The following IL1RAPL1 variants were observed in gnomAD, a reference collection of about 807,000 sequenced individuals.
IL1RAPL1 encodes the protein interleukin-1 receptor accessory protein-like 1.
Under a neutral mutation model 48.4 loss-of-function variants are expected in IL1RAPL1, and 3 were observed. The ratio of observed to expected loss-of-function variants is 0.06; its 90% confidence interval spans 0.03 to 0.16. The LOEUF is 0.16. Among genes scored for constraint, IL1RAPL1 ranks in the 10% least tolerant of loss-of-function variants. The pLI, the probability that IL1RAPL1 is intolerant of heterozygous loss-of-function variation, is 1.00. For missense variants in IL1RAPL1, 349 were observed against 530.6 expected, an observed-to-expected ratio of 0.66 and a Z score of 3.36; for synonymous variants, 185 against 187.7, an observed-to-expected ratio of 0.99 and a Z score of 0.12.
intron 1 of IL1RAPL1, among the ~76,000 whole-genome samples, chrX:28,723,235 G>C (rs1329731808): frequency 9.0e-6 from 1 of 110,712 alleles, no homozygotes; most frequent in East Asian, 2.8e-4. Flanking sequence ...GACTTTTTTT[G>C]ATTGGTAGGC....
At chrX:29,612,734 G>C (rs898363337) in intron 5 of IL1RAPL1, among the ~76,000 whole-genome samples, 4 of 111,820 alleles carry the variant, frequency 3.6e-5, no homozygotes, top group Non-Finnish European at 7.5e-5. Flanking sequence ...TTATTACTTA[G>C]GAATTACTTT....
rs959653688 is a variant in IL1RAPL1, at chrX:28,858,420, G to A, written c.82+68995G>A. On this transcript the variant is annotated intron_variant, in intron 2 of 10. Coordinates refer to ENST00000378993, the MANE Select transcript of IL1RAPL1 (RefSeq NM_014271.4). ...CTTTATAAAAGGAAGAGTCAGTGCA[G>A]CAGACTTCATTGTTGTCTTATTTTA... Among the ~76,000 whole-genome samples, 3 of 111,748 alleles carry A rather than the reference G, an allele frequency of 2.7e-5. No individual in the cohort carries two copies. In the East Asian group the frequency reaches 8.4e-4, roughly 31 times the overall value.
At chrX:29,286,956 C>T (rs1221184235) in intron 3 of IL1RAPL1, among the ~76,000 whole-genome samples, 3 of 109,973 alleles carry the variant, frequency 2.7e-5, no homozygotes, top group Admixed American at 9.8e-5. Context: ...CAGATTTGCT[C>T]GGTGGTAGCA....
At chrX:29,268,838 A>G (rs542151417) in intron 2 of IL1RAPL1, among the ~76,000 whole-genome samples, 3 of 112,188 alleles carry the variant, frequency 2.7e-5, no homozygotes, top group African/African-American at 9.7e-5. Flanking sequence ...GAACGAATCA[A>G]TGAATGCTTC....
chrX:29,226,665 C>T (rs1000485291), intron 2 of IL1RAPL1, among the ~76,000 whole-genome samples: 6 of 109,298 alleles, frequency 5.5e-5, no homozygotes, highest in African/African-American at 2.0e-4. Flanking sequence ...GAACTCCTGA[C>T]CTCAGACGAT....
chrX:28,970,616 T>C (rs1284898327), intron 2 of IL1RAPL1, among the ~76,000 whole-genome samples: 1 of 111,821 alleles, frequency 8.9e-6, no homozygotes, highest in Non-Finnish European at 1.9e-5. Flanking sequence ...TAATGAATAA[T>C]ACCATTTTGC....
intron 5 of IL1RAPL1, among the ~76,000 whole-genome samples, chrX:29,643,370 G>A (rs926274537): frequency 4.5e-5 from 5 of 111,737 alleles, no homozygotes; most frequent in Non-Finnish European, 9.4e-5. Context: ...TGATCTGCCA[G>A]TCATTGATGA....
chrX:29,134,684 G>T (rs980103668), intron 2 of IL1RAPL1, among the ~76,000 whole-genome samples: 11 of 111,280 alleles, frequency 9.9e-5, no homozygotes, highest in African/African-American at 2.9e-4. Context: ...TCAAAAAGTG[G>T]TATTAATATG....
chrX:29,064,123 A>T (rs1431407767), intron 2 of IL1RAPL1, among the ~76,000 whole-genome samples: 2 of 112,094 alleles, frequency 1.8e-5, no homozygotes, highest in African/African-American at 6.5e-5. Context: ...TCAGCCATTA[A>T]GCATAAACCA....
chrX:29,667,112 A>C (rs191172179), intron 5 of IL1RAPL1, among the ~76,000 whole-genome samples: 74 of 112,183 alleles, frequency 6.6e-4, no homozygotes, highest in Non-Finnish European at 1.2e-3. Flanking sequence ...TATTACCCAA[A>C]CTTTCCTTTG....
intron 2 of IL1RAPL1, among the ~76,000 whole-genome samples, chrX:29,082,815 A>C (rs188589239): frequency 6.3e-4 from 71 of 112,151 alleles, no homozygotes; most frequent in Non-Finnish European, 1.2e-3. Context: ...TAATGTTCTC[A>C]CGATGATGTT....
intron 5 of IL1RAPL1, among the ~76,000 whole-genome samples, chrX:29,488,647 A>T (rs1445201646): frequency 9.0e-6 from 1 of 111,245 alleles, no homozygotes; most frequent in Admixed American, 9.5e-5. Context: ...GGTGGTGCAC[A>T]TATAACTATG....
At position 29,300,343 on chromosome X, in the gene IL1RAPL1, T is replaced by C. The variant is rs1932513897; in HGVS notation, c.362+17126T>C. ...CACATGTTGGAGTGTCAAGAATTAATGATTGAAAGTGAATGGAAAAAAGGT... is the reference window on the plus strand; with the variant it reads ...CACATGTTGGAGTGTCAAGAATTAACGATTGAAAGTGAATGGAAAAAAGGT... On this transcript the variant is annotated intron_variant, in intron 3 of 10. Transcript: ENST00000378993. 1.8e-5 allele frequency among the ~76,000 whole-genome samples: 2 copies of C among 111,502 alleles called. 1 individual carries two copies. Among genetic ancestry groups the C allele is most frequent in the Admixed American group, 1.9e-4 (2 of 10,535 alleles).
rs1375984138 is a variant in IL1RAPL1, at chrX:29,135,861, A to T, written c.83-147077A>T. Among the ~76,000 whole-genome samples, 3 of 111,100 alleles carry T rather than the reference A, an allele frequency of 2.7e-5. No individual in the cohort carries two copies. The East Asian group carries it at 8.5e-4, about 32-fold the overall frequency. On this transcript the variant is annotated intron_variant, in intron 2 of 10. Transcript: ENST00000378993. ...GCGATCCTCCTGCCTCAGCCTCCCA[A>T]GTAACTGGGACTACAGGCACACACG... is the stretch of plus-strand genomic sequence containing the variant.
At chrX:29,571,395 A>G (rs755127187) in intron 5 of IL1RAPL1, among the ~76,000 whole-genome samples, 1 of 111,380 alleles carries the variant, frequency 9.0e-6, no homozygotes, top group South Asian at 3.8e-4. Flanking sequence ...GCCCTTTAGC[A>G]AAGTCTAGGA....
chrX:29,954,763 G>C, intron 10 of IL1RAPL1, 71 bp downstream of exon 10: 1 of 899,493 alleles, frequency 1.1e-6, no homozygotes, highest in Non-Finnish European at 1.6e-6. Flanking sequence ...CTTTTTCATG[G>C]AATTTTAATG....
chrX:29,028,422 G>A (rs1926540148), intron 2 of IL1RAPL1, among the ~76,000 whole-genome samples: 1 of 108,132 alleles, frequency 9.2e-6, no homozygotes, highest in Non-Finnish European at 1.9e-5. Context: ...CAAGTAGCTG[G>A]GACTACAGGC....
chrX:29,873,624 C>A (rs1931847022), intron 6 of IL1RAPL1, among the ~76,000 whole-genome samples: 1 of 111,542 alleles, frequency 9.0e-6, no homozygotes, highest in South Asian at 3.8e-4. Context: ...GACTTCCTAG[C>A]CTCCAGAACT....
At chrX:28,694,192 C>T (rs946428460) in intron 1 of IL1RAPL1, among the ~76,000 whole-genome samples, 1 of 111,803 alleles carries the variant, frequency 8.9e-6, no homozygotes, top group Non-Finnish European at 1.9e-5. Flanking sequence ...CATTTTCTTG[C>T]CTTCTCATAT....
Sources: gnomAD v4.1 joint callset for allele counts (sites outside exome capture counted in the v4.1 genomes callset) on GRCh38, gnomAD v4.1.1 for gene constraint, MANE v1.5 for transcripts, NCBI Gene and HGNC (gene_info 2026-07-23, HGNC 2026-07-21) for gene names.